RCBTB2: variants seen among roughly 807,000 people sequenced by gnomAD.
The protein encoded by RCBTB2 is RCC1 and BTB domain containing protein 2.
In RCBTB2, 55 loss-of-function variants were observed where a neutral mutation model predicts 65.4. The ratio of observed to expected loss-of-function variants is 0.84; its 90% confidence interval spans 0.68 to 1.05. The LOEUF is 1.05. Among genes scored for constraint, RCBTB2 ranks in the 50% least tolerant of loss-of-function variants. RCBTB2 has a pLI of 0.00. For synonymous variants in RCBTB2, 220 were observed against 255.2 expected, an observed-to-expected ratio of 0.86 and a Z score of 1.31; for missense variants, 599 against 680.1, an observed-to-expected ratio of 0.88 and a Z score of 1.33.
chr13:48,528,131 G>C (rs57026972), intron 1 of RCBTB2, among the ~76,000 whole-genome samples: 2,429 of 152,218 alleles, frequency 0.016, 60 homozygotes, highest in African/African-American at 0.055. Context: ...AAATACATGA[G>C]AGCAAACAGA....
At chr13:48,515,103 G>C (rs1593730715) in intron 6 of RCBTB2, 102 bp downstream of exon 6, 1 of 1,085,826 alleles carries the variant, frequency 9.2e-7, no homozygotes, top group East Asian at 2.4e-5. Flanking sequence ...CCAAAACATA[G>C]TCAATTTCAC....
chr13:48,518,472 A>AAAAAAATATATATATAT (rs1491137365), intron 4 of RCBTB2, among the ~76,000 whole-genome samples: 1 of 116,620 alleles, frequency 8.6e-6, no homozygotes, highest in African/African-American at 3.8e-5. Context: ...AAAAAAAAAA[A>AAAAAAATATATATATAT]ATATATATAT....
In RCBTB2 at chr13:48,501,804, T is replaced by C; in HGVS notation, c.1182A>G (p.Ala394=). The C allele has an allele frequency of 6.2e-7, 1 of 1,613,380 alleles. No homozygotes were observed. The highest frequency in any genetic ancestry group is 8.5e-7 in the Non-Finnish European group (1 of 1,179,262). ...TTCCATCAACTAGAAACTTCAGGTC[T>C]GCAGTGTCCGGGTTGTCAAATTCCC... ...LKREFDNPDT[A]DLKFLVDGKY... The change falls in exon 12 of 15, where the codon GCA becomes GCG. Residue 394 remains alanine (A), a synonymous_variant. Transcript: ENST00000344532.
chr13:48,499,613 G>A lies in RCBTB2; in HGVS notation c.1384+8C>T. On this transcript the variant is annotated splice_region_variant and intron_variant, in intron 13 of 14. Transcript: ENST00000344532. ...TTTGCCAAGTTTTTGGAAGTCTTTG[G>A]CAATTACCTACTGCCTCCTCAGGAG... 3 of 1,612,924 alleles carry A rather than the reference G, an allele frequency of 1.9e-6. No individual in the cohort carries two copies. The highest frequency in any genetic ancestry group is 1.3e-5 in the African/African-American group (1 of 74,958).
intron 4 of RCBTB2, among the ~76,000 whole-genome samples, 191 bp from the exon 5 acceptor site, chr13:48,515,932 G>A (rs941224323): frequency 2.6e-5 from 4 of 152,190 alleles, no homozygotes; most frequent in African/African-American, 7.2e-5. Flanking sequence ...ATCGAGCAGC[G>A]GAGGCCCGGA....
upstream of RCBTB2, among the ~76,000 whole-genome samples, chr13:48,533,538 T>TC (rs1952298794): frequency 1.3e-5 from 2 of 152,322 alleles, no homozygotes; most frequent in South Asian, 4.1e-4. Context: ...CTTCACGTTT[T>TC]CACCCCATTG....
At chr13:48,528,585 A>G (rs1951935472) in intron 1 of RCBTB2, among the ~76,000 whole-genome samples, 1 of 152,174 alleles carries the variant, frequency 6.6e-6, no homozygotes, top group South Asian at 2.1e-4. Context: ...ATAAATTTCA[A>G]TAGGATAATG....
chr13:48,504,334 C>T (rs967336373), intron 10 of RCBTB2: 1 of 985,436 alleles, frequency 1.0e-6, no homozygotes, highest in Non-Finnish European at 1.2e-6. Flanking sequence ...TAACTCCATC[C>T]ATGATTTGGC....
intron 4 of RCBTB2, among the ~76,000 whole-genome samples, chr13:48,521,434 A>G (rs1292496203): frequency 6.6e-6 from 1 of 152,238 alleles, no homozygotes; most frequent in Non-Finnish European, 1.5e-5. Context: ...GCTTTTAACA[A>G]CAACTGGACA....
intron 1 of RCBTB2, chr13:48,532,802 C>T: frequency 3.0e-6 from 1 of 331,420 alleles, no homozygotes; most frequent in South Asian, 2.1e-5. Context: ...GGTGTAGCCC[C>T]GGAACCTAGC....
intron 1 of RCBTB2, among the ~76,000 whole-genome samples, chr13:48,528,890 C>T (rs1480532837): frequency 6.6e-6 from 1 of 152,098 alleles, no homozygotes; most frequent in African/African-American, 2.4e-5. Context: ...CACACAACCT[C>T]AAAGGAAATG....
chr13:48,533,874 A>G (rs9316396), upstream of RCBTB2, among the ~76,000 whole-genome samples: 29,129 of 152,160 alleles, frequency 0.19, 7,625 homozygotes, highest in African/African-American at 0.59. Flanking sequence ...GAAGTAAGCT[A>G]CTTGCTTTTA....
At chr13:48,499,558 A>C (rs1950139239) in intron 13 of RCBTB2, 63 bp downstream of exon 13, 2 of 1,559,046 alleles carry the variant, frequency 1.3e-6, no homozygotes, top group Non-Finnish European at 1.8e-6. Flanking sequence ...TTTAGGTTCT[A>C]TAGAAACCAC....
chr13:48,511,820 G>A lies in RCBTB2; in HGVS notation c.733C>T (p.Gln245Ter). The change falls in exon 9 of 15, where the codon CAG becomes TAG. Residue 245 changes from glutamine (Q) to a stop codon, truncating the protein, a stop_gained. Transcript: ENST00000344532. LOFTEE classifies it high-confidence loss of function. ...GCTGCCACTCTGCAAGGGGTTGGCT[G>A]GTTGCCACTGTTGCCGAGTCCAAGC... is the stretch of plus-strand genomic sequence containing the variant. ...GQLGLGNSGN[Q>*]PTPCRVAALQ... The A allele has an allele frequency of 6.2e-7, 1 of 1,614,186 alleles. No homozygotes were observed. The highest frequency in any genetic ancestry group is 2.2e-5 in the East Asian group (1 of 44,880).
chr13:48,517,950 G>C (rs1187311475), intron 4 of RCBTB2, among the ~76,000 whole-genome samples: 1 of 152,082 alleles, frequency 6.6e-6, no homozygotes, highest in African/African-American at 2.4e-5. Flanking sequence ...AAGACGAGAG[G>C]GCACACAGTG....
chr13:48,507,078 A>G (rs1228656491), intron 10 of RCBTB2, among the ~76,000 whole-genome samples: 1 of 152,242 alleles, frequency 6.6e-6, no homozygotes. Context: ...AAGGGCTGGG[A>G]CAGACAGAGC....
At position 48,515,223 on chromosome 13, in the gene RCBTB2, T is replaced by G. The variant is rs1951017199; in HGVS notation, c.331A>C (p.Ile111Leu). Reference protein sequence around the residue: ...ACLSYGSGPHIVLATTEGEVF... With the variant: ...ACLSYGSGPHLVLATTEGEVF... The stretch of plus-strand genomic sequence containing the variant: ...AGGTTACCTGTTGTTGCAAGGACAA[T>G]ATGTGGACCACTCCCATAGCTGAGG... The change falls in exon 6 of 15, where the codon ATT (isoleucine) becomes CTT (leucine). Residue 111 changes from isoleucine to leucine, a missense_variant. Ile to Leu is a conservative substitution (Grantham distance 5). Coordinates refer to ENST00000344532, the MANE Select transcript of RCBTB2 (RefSeq NM_001268.4). The G allele has an allele frequency of 6.2e-7, 1 of 1,613,826 alleles. No homozygotes were observed. Among genetic ancestry groups the G allele is most frequent in the South Asian group, 1.1e-5 (1 of 91,056 alleles).
chr13:48,526,827 A>C (rs1162505482), intron 1 of RCBTB2, among the ~76,000 whole-genome samples: 1 of 151,818 alleles, frequency 6.6e-6, no homozygotes, highest in African/African-American at 2.4e-5. Flanking sequence ...GAGGCAAGAG[A>C]ATCACTTGAA....
At chr13:48,490,639 C>A (rs796680439) in intron 14 of RCBTB2, among the ~76,000 whole-genome samples, 9 of 152,186 alleles carry the variant, frequency 5.9e-5, no homozygotes, top group African/African-American at 2.2e-4. Context: ...TTTATATCAG[C>A]GTCTTTAAGT....
Sources: gnomAD v4.1 joint callset for allele counts (sites outside exome capture counted in the v4.1 genomes callset) on GRCh38, gnomAD v4.1.1 for gene constraint, MANE v1.5 for transcripts, NCBI Gene and HGNC (gene_info 2026-07-23, HGNC 2026-07-21) for gene names.